MZT2A: variants seen among roughly 807,000 people sequenced by gnomAD.
MZT2A encodes mitotic-spindle organizing protein 2A.
Under a neutral mutation model 12.4 loss-of-function variants are expected in MZT2A, and 8 were observed. The ratio of observed to expected loss-of-function variants is 0.64; its 90% confidence interval spans 0.38 to 1.16. The LOEUF is 1.16. Among genes scored for constraint, MZT2A ranks in the 50% most tolerant of loss-of-function variants. The pLI is 0.01. For synonymous variants in MZT2A, 88 were observed against 107.5 expected, an observed-to-expected ratio of 0.82 and a Z score of 1.12; for missense variants, 181 against 223.6, an observed-to-expected ratio of 0.81 and a Z score of 1.22.
chr2:131,487,682 C>T (rs1169431788), intron 2 of MZT2A, among the ~76,000 whole-genome samples: 1 of 152,212 alleles, frequency 6.6e-6, no homozygotes, highest in East Asian at 1.9e-4. Context: ...TCTCAAACTC[C>T]GAGCTTCAAG....
chr2:131,492,405 G>A (rs1354113985), upstream of MZT2A: 9 of 1,226,864 alleles, frequency 7.3e-6, no homozygotes, highest in African/African-American at 1.6e-5. Context: ...GGTGCGCCCC[G>A]CCCCGCCGCG....
At chr2:131,481,259 GCTTT>G (rs1027223615), downstream of MZT2A, among the ~76,000 whole-genome samples, 1 of 151,496 alleles carries the variant, frequency 6.6e-6, no homozygotes, top group African/African-American at 2.4e-5. Context: ...TCTGTGGTGA[GCTTT>G]ATTTATTTAT....
rs181110408 is a variant in MZT2A, at chr2:131,472,148, G to A, written c.315C>T (p.Leu105=). 4.1e-3 allele frequency: 5,249 copies of A among 1,287,396 alleles called. 44 individuals are homozygous for A. The highest frequency in any genetic ancestry group is 0.017 in the South Asian group (1,383 of 80,826). The allele number at this position is 1,287,396 out of a possible 1,614,324, so 79.7% of individuals were successfully genotyped here. Residue 105 remains leucine, a synonymous_variant and NMD_transcript_variant, in exon 3 of 5, where the codon CTC becomes CTT. Coordinates refer to the MZT2A transcript ENST00000427024. ...CGTAGCTGCTGTGTGAAATCTTGTTGAGGCGCCGCCTTGTCCTCAAGTTGT... is the reference window on the plus strand; with the variant it reads ...CGTAGCTGCTGTGTGAAATCTTGTTAAGGCGCCGCCTTGTCCTCAAGTTGT...
intron 2 of MZT2A, among the ~76,000 whole-genome samples, chr2:131,475,368 C>T (rs1432065941): frequency 1.6e-5 from 2 of 126,002 alleles, no homozygotes; most frequent in African/African-American, 5.8e-5. Context: ...GGCTCTGTTG[C>T]CCAGGCTGGA....
chr2:131,485,752 C>T (rs960462278), intron 2 of MZT2A, among the ~76,000 whole-genome samples: 3 of 152,174 alleles, frequency 2.0e-5, no homozygotes, highest in Admixed American at 6.5e-5. Context: ...TAGTCAAATA[C>T]CCTGCAAAGG....
chr2:131,488,272 C>T (rs530539419), intron 2 of MZT2A, among the ~76,000 whole-genome samples: 12 of 152,294 alleles, frequency 7.9e-5, no homozygotes, highest in South Asian at 2.1e-4. Context: ...ATTTATTTTT[C>T]CCTCAATGAC....
At chr2:131,492,944 T>C, upstream of MZT2A, 2 of 1,521,688 alleles carry the variant, frequency 1.3e-6, no homozygotes, top group Non-Finnish European at 1.8e-6. Context: ...GCCTCGCCAT[T>C]TCCCCTCCCT....
chr2:131,485,188 CCTGA>C (rs927822797), intron 2 of MZT2A, among the ~76,000 whole-genome samples: 12 of 152,202 alleles, frequency 7.9e-5, no homozygotes, highest in Admixed American at 1.3e-4. Flanking sequence ...GTGTCCCCTG[CCTGA>C]CTCAGTGTTG....
rs1391636265 is a variant in MZT2A, at chr2:131,484,177, G to A, written c.361C>T (p.Leu121=). The part of the protein sequence containing the change: ...GSAALGGVLA[L]AERSNHEGSS... The stretch of plus-strand genomic sequence containing the variant: ...CCCTCGTGGTTGCTGCGTTCCGCCA[G>A]GGCCAATACTCCCCCGAGGGCAGCG... Residue 121 remains leucine, a synonymous_variant, in exon 3 of 3, where the codon CTG becomes TTG. Transcript: ENST00000309451. 2 of 1,614,088 alleles carry A rather than the reference G, an allele frequency of 1.2e-6. No individual in the cohort carries two copies. The highest frequency in any genetic ancestry group is 3.3e-5 in the Admixed American group (2 of 60,024).
intron 2 of MZT2A, chr2:131,490,967 G>A: frequency 1.3e-6 from 2 of 1,548,738 alleles, no homozygotes; most frequent in Non-Finnish European, 1.7e-6. Context: ...CAGGTGCCCG[G>A]GCCCTCTTGG....
intron 2 of MZT2A, chr2:131,490,260 C>A (rs13390431): frequency 0.11 from 103,359 of 947,116 alleles, 9,026 homozygotes; most frequent in African/African-American, 0.43. Flanking sequence ...GGGACCAGCA[C>A]ATGGCATCTG....
intron 2 of MZT2A, chr2:131,489,280 T>A (rs535997622): frequency 6.7e-6 from 1 of 149,718 alleles, no homozygotes; most frequent in Non-Finnish European, 1.5e-5. Context: ...CACTGCAACA[T>A]CCCCCTCAGG....
downstream of MZT2A, chr2:131,482,709 T>A: frequency 6.2e-7 from 1 of 1,614,180 alleles, no homozygotes; most frequent in Non-Finnish European, 8.5e-7. Flanking sequence ...CGGGCCTTTG[T>A]GCACTGGTAC....
downstream of MZT2A, among the ~76,000 whole-genome samples, chr2:131,479,077 C>T (rs920560348): frequency 2.0e-5 from 3 of 152,232 alleles, no homozygotes; most frequent in African/African-American, 7.2e-5. Context: ...ACTGGTTGTG[C>T]TGACATTTAT....
At chr2:131,481,220 ACT>A (rs903273500), downstream of MZT2A, among the ~76,000 whole-genome samples, 9 of 150,554 alleles carry the variant, frequency 6.0e-5, no homozygotes, top group South Asian at 6.3e-4. Context: ...TGTCTTTTGA[ACT>A]CTCTGTCTGA....
intron 3 of MZT2A, chr2:131,471,973 G>A (rs543132107): frequency 8.9e-6 from 10 of 1,128,640 alleles, no homozygotes; most frequent in Non-Finnish European, 1.0e-5. Context: ...ATGAGCAGGA[G>A]TCCCAAGGAG....
chr2:131,483,888 C>G, downstream of MZT2A: 1 of 1,359,434 alleles, frequency 7.4e-7, no homozygotes, highest in Non-Finnish European at 9.5e-7. Context: ...GTGGCACAAC[C>G]AGGACCGGCA....
At chr2:131,472,918 C>CCA (rs1254581199) in intron 2 of MZT2A, among the ~76,000 whole-genome samples, 1 of 151,422 alleles carries the variant, frequency 6.6e-6, no homozygotes, top group African/African-American at 2.5e-5. Flanking sequence ...GGTGTCCCCC[C>CCA]CCACCAATAT....
At chr2:131,489,970 C>T in intron 2 of MZT2A, 1 of 977,598 alleles carries the variant, frequency 1.0e-6, no homozygotes, top group South Asian at 4.7e-5. Flanking sequence ...ACTCTGTTCC[C>T]AGTTTCTCCC....
Sources: gnomAD v4.1 joint callset for allele counts (sites outside exome capture counted in the v4.1 genomes callset) on GRCh38, gnomAD v4.1.1 for gene constraint, MANE v1.5 for transcripts, NCBI Gene and HGNC (gene_info 2026-07-23, HGNC 2026-07-21) for gene names.